Variants in TMCC1 observed in about 807,000 individuals in gnomAD.
TMCC1 encodes transmembrane and coiled-coil domains protein 1.
In TMCC1, 15 loss-of-function variants were observed where a neutral mutation model predicts 52.4. The observed-to-expected ratio is 0.29, with a 90% CI of 0.19 to 0.44. The LOEUF (loss-of-function observed/expected upper bound fraction) is 0.44, where lower values mean the gene tolerates loss of function less well. Ranked by LOEUF, TMCC1 falls within the 20% of genes least tolerant of loss-of-function variation. TMCC1 has a pLI of 1.00. For synonymous variants in TMCC1, 279 were observed against 301.9 expected, an observed-to-expected ratio of 0.92 and a Z score of 0.79; for missense variants, 503 against 806.0, an observed-to-expected ratio of 0.62 and a Z score of 4.55.
chr3:129,648,638 C>A lies in TMCC1; in HGVS notation c.*2843G>T, dbSNP rs773301069. 1 of 151,846 alleles carries A rather than the reference C, an allele frequency of 6.6e-6. No homozygotes were observed. The highest frequency in any genetic ancestry group is 2.4e-5 in the African/African-American group (1 of 41,308). 9.4% of individuals were successfully genotyped at this position (151,846 alleles called of 1,614,324 possible). A position where few individuals can be genotyped will look rare whatever the true frequency, so the allele number is the denominator to read the frequency against. On this transcript the variant is annotated 3_prime_UTR_variant, in exon 7 of 7. Coordinates refer to ENST00000393238, the MANE Select transcript of TMCC1 (RefSeq NM_001017395.5). ...CACTCACCCAGGCTAGAGGCATGGA[C>A]AAATAAACCAGGAATGTTTCATTTT...
intron 4 of TMCC1, among the ~76,000 whole-genome samples, chr3:129,759,046 G>A (rs1200903840): frequency 6.6e-6 from 1 of 152,078 alleles, no homozygotes; most frequent in Non-Finnish European, 1.5e-5. Context: ...ACCACATTTT[G>A]TTTATCCATT....
At chr3:129,814,158 G>A (rs1462620872) in intron 4 of TMCC1, among the ~76,000 whole-genome samples, 2 of 152,058 alleles carry the variant, frequency 1.3e-5, no homozygotes, top group Non-Finnish European at 2.9e-5. Flanking sequence ...GAAGACCTGA[G>A]CGTAAGGTTT....
chr3:129,794,303 C>T (rs2056669607), intron 4 of TMCC1: 1 of 456,140 alleles, frequency 2.2e-6, no homozygotes, highest in Non-Finnish European at 4.4e-6. Flanking sequence ...CCTCCACAAA[C>T]ATAGAAAACT....
intron 4 of TMCC1, among the ~76,000 whole-genome samples, chr3:129,705,178 T>C (rs746097343): frequency 2.0e-5 from 3 of 152,136 alleles, no homozygotes; most frequent in South Asian, 2.1e-4. Context: ...TTGATATCTA[T>C]ACAGCTGGGG....
intron 4 of TMCC1, among the ~76,000 whole-genome samples, chr3:129,686,892 G>C (rs1473475114): frequency 6.6e-6 from 1 of 152,154 alleles, no homozygotes; most frequent in Non-Finnish European, 1.5e-5. Context: ...CAAGAAAATA[G>C]AGAATTTGGA....
chr3:129,855,323 C>T (rs937186531), intron 2 of TMCC1, among the ~76,000 whole-genome samples: 2 of 152,090 alleles, frequency 1.3e-5, no homozygotes, highest in African/African-American at 4.8e-5. Context: ...CTTAATACCT[C>T]GTTTTCTTAA....
At position 129,835,411 on chromosome 3, in the gene TMCC1, C is replaced by T. The variant is rs567752304; in HGVS notation, c.-183-2585G>A. Among the ~76,000 whole-genome samples, 5 of 152,064 alleles carry T rather than the reference C, an allele frequency of 3.3e-5. No individual in the cohort carries two copies. In the East Asian group the frequency reaches 9.6e-4, roughly 29 times the overall value. On this transcript the variant is annotated intron_variant, in intron 2 of 6. Coordinates refer to ENST00000393238, the MANE Select transcript of TMCC1 (RefSeq NM_001017395.5). The stretch of plus-strand genomic sequence containing the variant: ...GTTTTTCCTAATTATCTAGCTGAAC[C>T]AGCCCCACCTAGCAACCCATCACCA...
intron 4 of TMCC1, among the ~76,000 whole-genome samples, chr3:129,745,753 G>A (rs1183206668): frequency 6.6e-6 from 1 of 151,918 alleles, no homozygotes; most frequent in African/African-American, 2.4e-5. Context: ...CCTGAAGTCA[G>A]GAGTTCGAGA....
At chr3:129,750,735 C>T (rs916598010) in intron 4 of TMCC1, among the ~76,000 whole-genome samples, 4 of 150,458 alleles carry the variant, frequency 2.7e-5, no homozygotes, top group Non-Finnish European at 4.4e-5. Flanking sequence ...CCACCATGCC[C>T]GGCTAATTTT....
intron 4 of TMCC1, among the ~76,000 whole-genome samples, chr3:129,751,146 A>G (rs1328447428): frequency 6.6e-6 from 1 of 152,068 alleles, no homozygotes; most frequent in Non-Finnish European, 1.5e-5. Flanking sequence ...GGTTGCAGTG[A>G]GCTGAGATCC....
intron 4 of TMCC1, chr3:129,688,141 A>G (rs2089541866): frequency 1.0e-6 from 1 of 985,272 alleles, no homozygotes. Flanking sequence ...AGAAAAGTCA[A>G]AAAATAAGAA....
intron 4 of TMCC1, among the ~76,000 whole-genome samples, chr3:129,759,676 C>T (rs1303499664): frequency 2.0e-5 from 3 of 149,946 alleles, no homozygotes; most frequent in African/African-American, 2.5e-5. Flanking sequence ...CAAAGCCCCC[C>T]GTCTACAGGC....
chr3:129,805,812 T>A lies in TMCC1; in HGVS notation c.576+21991A>T, dbSNP rs1215538171. 2.0e-5 allele frequency among the ~76,000 whole-genome samples: 3 copies of A among 151,888 alleles called. No homozygotes were observed. The South Asian group carries it at 6.2e-4, about 32-fold the overall frequency. On this transcript the variant is annotated intron_variant, in intron 4 of 6. Transcript: ENST00000393238. ...AATAGCTGGGTGTGGTGGCACCCTG[T>A]AGTCCCAGCCATTTGGGAGGCTGAG...
At chr3:129,744,032 TA>T (rs890659313) in intron 4 of TMCC1, among the ~76,000 whole-genome samples, 10 of 152,338 alleles carry the variant, frequency 6.6e-5, no homozygotes, top group African/African-American at 2.4e-4. Context: ...AGTATGATTT[TA>T]AAATACTTTC....
intron 4 of TMCC1, among the ~76,000 whole-genome samples, chr3:129,676,956 T>C (rs905737725): frequency 6.6e-6 from 1 of 152,042 alleles, no homozygotes; most frequent in African/African-American, 2.4e-5. Context: ...AAATACCTAT[T>C]TGTAACTAGA....
chr3:129,682,997 G>A (rs1431468831), intron 4 of TMCC1, among the ~76,000 whole-genome samples: 5 of 152,130 alleles, frequency 3.3e-5, no homozygotes, highest in South Asian at 2.1e-4. Flanking sequence ...CACCATGCCC[G>A]GCTAATTTTG....
chr3:129,833,195 A>G (rs186486016), intron 2 of TMCC1, among the ~76,000 whole-genome samples: 1 of 152,348 alleles, frequency 6.6e-6, no homozygotes, highest in African/African-American at 2.4e-5. Context: ...AAACAGGTAC[A>G]TGAAAACACC....
intron 4 of TMCC1, among the ~76,000 whole-genome samples, chr3:129,708,430 T>C (rs2048402373): frequency 6.6e-6 from 1 of 152,220 alleles, no homozygotes; most frequent in South Asian, 2.1e-4. Flanking sequence ...GTGAACCTAG[T>C]TGCATGTAGT....
chr3:129,669,651 C>A (rs1411899797), intron 5 of TMCC1, among the ~76,000 whole-genome samples: 1 of 152,132 alleles, frequency 6.6e-6, no homozygotes, highest in Non-Finnish European at 1.5e-5. Flanking sequence ...AATATTATTT[C>A]TCTCTGCGTG....
Sources: allele counts gnomAD v4.1 joint callset (sites outside exome capture counted in the v4.1 genomes callset), GRCh38; gene constraint gnomAD v4.1.1; transcripts MANE v1.5; gene names NCBI Gene and HGNC (gene_info 2026-07-23, HGNC 2026-07-21).